Variants in RBFOX3 observed in about 807,000 individuals in gnomAD.
The protein encoded by RBFOX3 is RNA binding fox-1 homolog 3, also known as RNA binding protein fox-1 homolog 3.
Under a neutral mutation model 48.7 loss-of-function variants are expected in RBFOX3, and 17 were observed. That is an observed-to-expected ratio of 0.35 (90% CI 0.24 to 0.52). The LOEUF is 0.52. Ranked by LOEUF, RBFOX3 falls within the 20% of genes least tolerant of loss-of-function variation. The pLI is 0.94. For missense variants in RBFOX3, 382 were observed against 497.5 expected (o/e 0.77, Z 2.21); for synonymous variants, 212 against 209.5 (o/e 1.01, Z -0.10).
chr17:79,388,445 C>T (rs1487619363), intron 2 of RBFOX3, among the ~76,000 whole-genome samples: 1 of 152,244 alleles, frequency 6.6e-6, no homozygotes, highest in Non-Finnish European at 1.5e-5. Context: ...TCTTCCAACA[C>T]ACATGGAATC....
At chr17:79,296,936 T>C (rs1472367587) in intron 3 of RBFOX3, among the ~76,000 whole-genome samples, 9 of 101,526 alleles carry the variant, frequency 8.9e-5, no homozygotes, top group South Asian at 8.9e-4. Context: ...CCTCCCCCTC[T>C]CCCTCCTCCT....
chr17:79,154,402 T>C (rs9890458), intron 4 of RBFOX3, among the ~76,000 whole-genome samples: 6,702 of 152,252 alleles, frequency 0.044, 262 homozygotes, highest in East Asian at 0.21. Context: ...CAAGACCTCA[T>C]CTCTCTTTCT....
intron 4 of RBFOX3, among the ~76,000 whole-genome samples, chr17:79,144,427 C>T (rs958967263): frequency 6.6e-6 from 1 of 152,238 alleles, no homozygotes; most frequent in African/African-American, 2.4e-5. Flanking sequence ...CCTCCCCAAG[C>T]CTCCTAGCTG....
intron 4 of RBFOX3, among the ~76,000 whole-genome samples, chr17:79,206,812 G>C (rs2057563057): frequency 6.6e-6 from 1 of 152,150 alleles, no homozygotes; most frequent in Non-Finnish European, 1.5e-5. Flanking sequence ...GGGCAGCTCA[G>C]AAAGTGCCTT....
rs75646149 is a variant in RBFOX3 at position 79,479,702 on chromosome 17, C to T, written c.-175+2752G>A. On this transcript the variant is annotated intron_variant, in intron 2 of 14. Coordinates refer to ENST00000693108, the MANE Select transcript of RBFOX3 (RefSeq NM_001350451.2). This position sits in a 1 kb window ranked among gnomAD's most constrained non-coding sequence, Gnocchi z 5.1. ...CTTGTACTTTCACTGTTGATGACCCCGAGGATTTACCTATTTGGGGGACAC... is the reference window on the plus strand; with the variant it reads ...CTTGTACTTTCACTGTTGATGACCCTGAGGATTTACCTATTTGGGGGACAC... 0.012 allele frequency among the ~76,000 whole-genome samples: 1,783 copies of T among 152,272 alleles called. 43 individuals carry two copies. Among genetic ancestry groups the T allele is most frequent in the East Asian group, 0.037 (191 of 5,168 alleles).
the RBFOX3 span, among the ~76,000 whole-genome samples, chr17:79,654,738 T>A: frequency 2.0e-5 from 3 of 152,220 alleles, no homozygotes; most frequent in Non-Finnish European, 2.9e-5. Context: ...GCCCCTTTTT[T>A]AAAATGCTAT....
chr17:79,488,379 G>A (rs2079979494), intron 1 of RBFOX3, among the ~76,000 whole-genome samples: 1 of 152,020 alleles, frequency 6.6e-6, no homozygotes, highest in African/African-American at 2.4e-5. Flanking sequence ...CCTACTGACA[G>A]CAGCACATGG....
In RBFOX3 at chr17:79,199,529, G is replaced by A. The variant is rs1463008184; in HGVS notation, c.-34+36237C>T. ...GGCCTGAACCCAGTCACTGACTTAG[G>A]GCTGCCAGTGACCTCTGTGGTGGGA... On this transcript the variant is annotated intron_variant, in intron 4 of 14. Coordinates refer to ENST00000693108, the MANE Select transcript of RBFOX3 (RefSeq NM_001350451.2). This position sits in a 1 kb window ranked among gnomAD's most constrained non-coding sequence, Gnocchi z 5.1. Among the ~76,000 whole-genome samples the A allele has an allele frequency of 6.6e-6, 1 of 152,164 alleles. No individual in the cohort carries two copies. Among genetic ancestry groups the A allele is most frequent in the Non-Finnish European group, 1.5e-5 (1 of 68,016 alleles).
At chr17:79,280,624 G>A (rs945475436) in intron 3 of RBFOX3, among the ~76,000 whole-genome samples, 5 of 152,230 alleles carry the variant, frequency 3.3e-5, no homozygotes, top group Admixed American at 6.5e-5. Context: ...TCAGGAGGGT[G>A]TTCCTTTTAG....
rs2078108855 is a variant in RBFOX3, at chr17:79,477,560, A to C, written c.-175+4894T>G. On this transcript the variant is annotated intron_variant, in intron 2 of 14. Coordinates refer to ENST00000693108, the MANE Select transcript of RBFOX3 (RefSeq NM_001350451.2). The surrounding 1 kb of genome is among the most constrained non-coding windows in gnomAD (Gnocchi z 4.8). Reference sequence around the variant, plus strand: ...GACAGAGCGAAACTCCGTCACCGGAAAAAAAAAAAGAGGAGGAGGAGTAGG... The same window carrying C: ...GACAGAGCGAAACTCCGTCACCGGACAAAAAAAAAGAGGAGGAGGAGTAGG... Among the ~76,000 whole-genome samples the C allele has an allele frequency of 2.1e-5, 2 of 97,506 alleles. No individual in the cohort carries two copies. Among genetic ancestry groups the C allele is most frequent in the South Asian group, 9.3e-4 (2 of 2,158 alleles). 64.0% of individuals were successfully genotyped at this position (97,506 alleles called of 152,430 possible). A position where few individuals can be genotyped will look rare whatever the true frequency, so the allele number is the denominator to read the frequency against.
intron 2 of RBFOX3, among the ~76,000 whole-genome samples, chr17:79,348,450 C>T (rs1290497082): frequency 2.6e-5 from 4 of 152,182 alleles, no homozygotes; most frequent in African/African-American, 9.7e-5. Flanking sequence ...TGAAACCCCT[C>T]ACCCCCTCCA....
At chr17:79,298,888 T>A (rs768582747) in intron 3 of RBFOX3, among the ~76,000 whole-genome samples, 1 of 152,154 alleles carries the variant, frequency 6.6e-6, no homozygotes, top group African/African-American at 2.4e-5. Flanking sequence ...ATGCGAGTGA[T>A]GTTGACCTTG....
At chr17:79,104,182 C>A in intron 6 of RBFOX3, 56 bp from the exon 7 acceptor site, 1 of 1,428,442 alleles carries the variant, frequency 7.0e-7, no homozygotes, top group Non-Finnish European at 9.7e-7. Context: ...CGGGTTAAGA[C>A]TGCTGGCCCA....
Position 79,570,238 on chromosome 17 carries a change from G to C in RBFOX3, c.-320+40588C>G, listed in dbSNP as rs902807326. Among the ~76,000 whole-genome samples the C allele has an allele frequency of 6.7e-4, 101 of 151,618 alleles. 1 individual carries two copies. The highest frequency in any genetic ancestry group is 5.1e-3 in the Admixed American group (77 of 15,238). On this transcript the variant is annotated intron_variant, in intron 1 of 14. Coordinates refer to ENST00000693108, the MANE Select transcript of RBFOX3 (RefSeq NM_001350451.2). ...TGGATAGATGAATTATAGATGGATG[G>C]TATATGAACAGATGAATTACGGACA...
At chr17:79,411,407 A>G (rs775648882) in intron 2 of RBFOX3, among the ~76,000 whole-genome samples, 4 of 152,130 alleles carry the variant, frequency 2.6e-5, no homozygotes, top group Admixed American at 6.5e-5. Flanking sequence ...GGGCCTCTGC[A>G]CGCACCGTCC....
intron 2 of RBFOX3, among the ~76,000 whole-genome samples, chr17:79,393,311 C>T (rs2061571915): frequency 6.6e-6 from 1 of 152,238 alleles, no homozygotes; most frequent in South Asian, 2.1e-4. Context: ...CACACTTCCA[C>T]CTGCACCTAA....
intron 1 of RBFOX3, among the ~76,000 whole-genome samples, chr17:79,520,790 G>A (rs1449016422): frequency 6.6e-6 from 1 of 152,220 alleles, no homozygotes; most frequent in African/African-American, 2.4e-5. Context: ...GGCTGGCCGG[G>A]TGCCACACAG....
chr17:79,369,037 A>G (rs4790019), intron 2 of RBFOX3, among the ~76,000 whole-genome samples: 121,031 of 152,062 alleles, frequency 0.8, 48,853 homozygotes, highest in Non-Finnish European at 0.86. Context: ...ACACAAGGAG[A>G]GCGAGGAGGG....
chr17:79,521,250 ACACACACT>A, intron 1 of RBFOX3, among the ~76,000 whole-genome samples: 1 of 150,998 alleles, frequency 6.6e-6, no homozygotes, highest in African/African-American at 2.5e-5. Context: ...GCCCAGGCAC[ACACACACT>A]CACAGACACA....
Sources: allele counts gnomAD v4.1 joint callset (sites outside exome capture counted in the v4.1 genomes callset), GRCh38; gene constraint gnomAD v4.1.1; non-coding constraint Gnocchi (gnomAD v3.1); transcripts MANE v1.5; gene names NCBI Gene and HGNC (gene_info 2026-07-23, HGNC 2026-07-21).